Variants in CPM observed in about 807,000 individuals in gnomAD.
The protein encoded by CPM is carboxypeptidase M.
In CPM, 35 loss-of-function variants were observed where a neutral mutation model predicts 46.4. The ratio of observed to expected loss-of-function variants is 0.75; its 90% CI spans 0.58 to 1.00. The LOEUF (loss-of-function observed/expected upper bound fraction) is 1.00. CPM is among the 50% of genes least tolerant of loss of function. The pLI is 0.00. For missense variants in CPM, 422 were observed against 530.4 expected, an observed-to-expected ratio of 0.80 and a Z score of 2.01; for synonymous variants, 195 against 195.3, an observed-to-expected ratio of 1.00 and a Z score of 0.01.
At chr12:68,861,099 C>G (rs1401940149) in intron 7 of CPM, among the ~76,000 whole-genome samples, 1 of 152,064 alleles carries the variant, frequency 6.6e-6, no homozygotes, top group Non-Finnish European at 1.5e-5. Flanking sequence ...ACAGGCTAGT[C>G]TTGAACTCCT....
At chr12:68,939,391 T>C (rs1352561853) in intron 1 of CPM, among the ~76,000 whole-genome samples, 1 of 148,994 alleles carries the variant, frequency 6.7e-6, no homozygotes, top group East Asian at 1.9e-4. Flanking sequence ...ATCCTATATA[T>C]ATACATAAAT....
chr12:68,888,618 GTTTTGT>G (rs776531788), intron 2 of CPM, among the ~76,000 whole-genome samples: 9 of 152,270 alleles, frequency 5.9e-5, no homozygotes, highest in East Asian at 1.9e-4. Context: ...TCTAAACAAG[GTTTTGT>G]TTTTGTTTTT....
intron 7 of CPM, among the ~76,000 whole-genome samples, chr12:68,862,763 A>C (rs1218984469): frequency 2.6e-5 from 4 of 152,150 alleles, no homozygotes; most frequent in African/African-American, 9.7e-5. Context: ...TTGTTTTACC[A>C]GAAAATGTGA....
intron 1 of CPM, among the ~76,000 whole-genome samples, chr12:68,953,253 T>C (rs557907914): frequency 1.4e-4 from 21 of 149,420 alleles, no homozygotes; most frequent in South Asian, 1.3e-3. Flanking sequence ...TTCTCTCTCT[T>C]TTTTTTTTTA....
intron 5 of CPM, chr12:68,844,333 A>G (rs1884077154): frequency 4.5e-6 from 1 of 223,532 alleles, no homozygotes; most frequent in African/African-American, 2.2e-5. Context: ...AAATACAAAT[A>G]TCACTGGGCA....
At chr12:68,917,275 G>C (rs1026909479) in intron 2 of CPM, among the ~76,000 whole-genome samples, 2 of 152,096 alleles carry the variant, frequency 1.3e-5, no homozygotes, top group Non-Finnish European at 2.9e-5. Flanking sequence ...CTCGCACACA[G>C]CTAATGACAT....
At chr12:68,956,024 C>T (rs55881733) in intron 1 of CPM, among the ~76,000 whole-genome samples, 4,830 of 152,228 alleles carry the variant, frequency 0.032, 124 homozygotes, top group East Asian at 0.087. Flanking sequence ...CCACCATCAA[C>T]CTGCCCTCCA....
chr12:68,943,428 A>C (rs1888795207), intron 1 of CPM, among the ~76,000 whole-genome samples: 1 of 152,244 alleles, frequency 6.6e-6, no homozygotes, highest in African/African-American at 2.4e-5. Flanking sequence ...TGAACAAGAC[A>C]GAAAGGGATA....
intron 2 of CPM, among the ~76,000 whole-genome samples, chr12:68,918,064 T>G (rs1360749649): frequency 6.6e-6 from 1 of 152,170 alleles, no homozygotes; most frequent in Non-Finnish European, 1.5e-5. Context: ...GAGTCGTGAG[T>G]GAGTCCTTCC....
chr12:68,923,204 TG>T (rs1888113429), intron 2 of CPM, among the ~76,000 whole-genome samples: 3 of 147,862 alleles, frequency 2.0e-5, no homozygotes, highest in East Asian at 3.9e-4. Flanking sequence ...TGTGTGTGTG[TG>T]TGTGTGTGTT....
At chr12:68,860,544 C>G (rs1036096173) in intron 7 of CPM, among the ~76,000 whole-genome samples, 2 of 150,752 alleles carry the variant, frequency 1.3e-5, no homozygotes, top group African/African-American at 4.8e-5. Flanking sequence ...ATCCACCTGC[C>G]TAAGCTTCCC....
At chr12:68,922,044 T>C (rs977300345) in intron 2 of CPM, among the ~76,000 whole-genome samples, 1 of 152,206 alleles carries the variant, frequency 6.6e-6, no homozygotes, top group African/African-American at 2.4e-5. Context: ...GAACAAAGCC[T>C]GGTCCTTGGC....
chr12:68,857,499 A>G (rs1410941187), intron 8 of CPM, among the ~76,000 whole-genome samples: 1 of 151,244 alleles, frequency 6.6e-6, no homozygotes, highest in Admixed American at 6.6e-5. Context: ...GGTTTTGTTC[A>G]TATCAGCCTG....
At chr12:68,879,445 C>T (rs1419071156) in intron 3 of CPM, among the ~76,000 whole-genome samples, 3 of 152,124 alleles carry the variant, frequency 2.0e-5, no homozygotes, top group African/African-American at 7.2e-5. Flanking sequence ...CTCACTGCAG[C>T]CTCGACCTCC....
At chr12:68,916,580 T>C (rs1420865230) in intron 2 of CPM, among the ~76,000 whole-genome samples, 1 of 152,124 alleles carries the variant, frequency 6.6e-6, no homozygotes, top group Non-Finnish European at 1.5e-5. Context: ...AAATGACTGT[T>C]GCACCAAATT....
At chr12:68,911,529 C>T (rs894475052) in intron 2 of CPM, among the ~76,000 whole-genome samples, 1 of 151,708 alleles carries the variant, frequency 6.6e-6, no homozygotes, top group Non-Finnish European at 1.5e-5. Flanking sequence ...TGAGATACAG[C>T]AGGAACATTG....
At chr12:68,924,540 C>G (rs1004148591) in intron 2 of CPM, among the ~76,000 whole-genome samples, 11 of 151,266 alleles carry the variant, frequency 7.3e-5, no homozygotes, top group Non-Finnish European at 1.6e-4. Flanking sequence ...AAGAATAAGG[C>G]TGATAGCTGA....
At chr12:68,901,785 T>C (rs538480166) in intron 2 of CPM, among the ~76,000 whole-genome samples, 1 of 152,264 alleles carries the variant, frequency 6.6e-6, no homozygotes, top group Non-Finnish European at 1.5e-5. Context: ...TTCGGACTTA[T>C]TCAGTCTCAA....
At chr12:68,863,077 G>A (rs1885279489) in intron 7 of CPM, among the ~76,000 whole-genome samples, 1 of 152,192 alleles carries the variant, frequency 6.6e-6, no homozygotes, top group African/African-American at 2.4e-5. Context: ...TCGGAGCTGG[G>A]ACAGTACTTA....
Sources: gnomAD v4.1 joint callset for allele counts (sites outside exome capture counted in the v4.1 genomes callset) on GRCh38, gnomAD v4.1.1 for gene constraint, MANE v1.5 for transcripts, NCBI Gene and HGNC (gene_info 2026-07-23, HGNC 2026-07-21) for gene names.